The following GAB2 variants were observed in gnomAD, a reference collection of about 807,000 sequenced individuals.
GAB2 encodes the protein GRB2 associated binding protein 2.
GAB2 carries 26 observed loss-of-function variants against 65.5 expected under a neutral mutation model. The observed-to-expected ratio is 0.40, with a 90% CI of 0.29 to 0.55. GAB2 has a LOEUF of 0.55. Among genes scored for constraint, GAB2 ranks in the 20% least tolerant of loss-of-function variants. GAB2 has a pLI of 0.53. For synonymous variants in GAB2, 321 were observed against 329.6 expected (o/e 0.97, Z 0.28); for missense variants, 884 against 875.8 (o/e 1.01, Z -0.12).
At chr11:78,361,430 T>C (rs10751287) in intron 1 of GAB2, among the ~76,000 whole-genome samples, 39,092 of 150,532 alleles carry the variant, frequency 0.26, 5,762 homozygotes, top group East Asian at 0.42. Flanking sequence ...CCCACACAAA[T>C]GCCTATGGAC....
intron 1 of GAB2, among the ~76,000 whole-genome samples, chr11:78,394,067 T>C (rs1856865169): frequency 6.6e-6 from 1 of 152,192 alleles, no homozygotes; most frequent in Non-Finnish European, 1.5e-5. Flanking sequence ...GGCAGGCAGA[T>C]CATGAGGTCA....
At chr11:78,314,419 G>A (rs1855560322) in intron 1 of GAB2, among the ~76,000 whole-genome samples, 1 of 152,192 alleles carries the variant, frequency 6.6e-6, no homozygotes, top group African/African-American at 2.4e-5. Context: ...TTTTGTAGAT[G>A]AACAAACTGA....
At chr11:78,285,966 C>CA (rs1261157319) in intron 1 of GAB2, among the ~76,000 whole-genome samples, 17 of 152,148 alleles carry the variant, frequency 1.1e-4, no homozygotes, top group African/African-American at 3.9e-4. Context: ...TGTCTCTTCC[C>CA]AACTAGGACA....
intron 1 of GAB2, among the ~76,000 whole-genome samples, chr11:78,289,568 A>G (rs1333563950): frequency 6.6e-6 from 1 of 152,196 alleles, no homozygotes; most frequent in Non-Finnish European, 1.5e-5. Context: ...AACTTACAAT[A>G]TTTACAAAGT....
intron 1 of GAB2, among the ~76,000 whole-genome samples, chr11:78,366,782 T>C (rs1049986534): frequency 1.5e-4 from 23 of 149,010 alleles, no homozygotes; most frequent in African/African-American, 5.6e-4. Flanking sequence ...GCGAATAGAA[T>C]GTAATTGGGG....
At chr11:78,290,553 C>T (rs760477610) in intron 1 of GAB2, among the ~76,000 whole-genome samples, 8 of 152,238 alleles carry the variant, frequency 5.3e-5, no homozygotes, top group Non-Finnish European at 7.4e-5. Context: ...TTGCTCTTGG[C>T]GCCCAGAAAA....
chr11:78,296,966 C>T (rs565529943), intron 1 of GAB2, among the ~76,000 whole-genome samples: 1 of 152,322 alleles, frequency 6.6e-6, no homozygotes, highest in South Asian at 2.1e-4. Context: ...TTCACGAGGG[C>T]TCTGCCCTCA....
At chr11:78,292,433 T>A (rs1018442419) in intron 1 of GAB2, among the ~76,000 whole-genome samples, 2 of 152,198 alleles carry the variant, frequency 1.3e-5, no homozygotes, top group Non-Finnish European at 2.9e-5. Flanking sequence ...TATACCAAAG[T>A]CAGGGCAGAA....
chr11:78,403,070 C>T (rs568802270), intron 1 of GAB2, among the ~76,000 whole-genome samples: 192 of 152,312 alleles, frequency 1.3e-3, no homozygotes, highest in African/African-American at 4.0e-3. Context: ...AATCACCAGA[C>T]GCTGAATGTG....
At chr11:78,371,940 T>C (rs562772837) in intron 1 of GAB2, among the ~76,000 whole-genome samples, 52 of 152,206 alleles carry the variant, frequency 3.4e-4, no homozygotes, top group Admixed American at 7.2e-4. Flanking sequence ...AAACCTTCAT[T>C]CCCATAAACA....
intron 1 of GAB2, among the ~76,000 whole-genome samples, chr11:78,399,522 A>G (rs1009287795): frequency 5.3e-5 from 8 of 152,168 alleles, no homozygotes; most frequent in Non-Finnish European, 8.8e-5. Context: ...CTTCAGACAA[A>G]TCCCTGTGTG....
rs55716895 is a variant in GAB2, at chr11:78,227,631, C to CAAAAAAAAAAA, written c.621-591_621-581dup. ...GAACACAATAAGACTCCATTGCCAC[C>CAAAAAAAAAAA]AAAAAAAAAAAAAAAAGAACTAGCT... On this transcript the variant is annotated intron_variant, in intron 3 of 9. Transcript: ENST00000361507. 3.5e-3 allele frequency among the ~76,000 whole-genome samples: 372 copies of CAAAAAAAAAAA among 105,920 alleles called. 6 individuals carry two copies. Among genetic ancestry groups the CAAAAAAAAAAA allele is most frequent in the Middle Eastern group, 0.01 (2 of 198 alleles). 69.5% of individuals were successfully genotyped at this position (105,920 alleles called of 152,430 possible). A position where few individuals can be genotyped will look rare whatever the true frequency, so the allele number is the denominator to read the frequency against.
intron 1 of GAB2, among the ~76,000 whole-genome samples, chr11:78,316,490 A>G (rs1241424102): frequency 6.6e-6 from 1 of 152,238 alleles, no homozygotes; most frequent in Non-Finnish European, 1.5e-5. Flanking sequence ...AAGGACTTGA[A>G]TAGACATCTC....
At chr11:78,348,403 G>T (rs1856223836) in intron 1 of GAB2, among the ~76,000 whole-genome samples, 1 of 152,150 alleles carries the variant, frequency 6.6e-6, no homozygotes, top group Admixed American at 6.5e-5. Context: ...GAAGATAAAT[G>T]ACACAATTTT....
chr11:78,223,071 A>G (rs1864507572), intron 6 of GAB2, among the ~76,000 whole-genome samples: 1 of 152,164 alleles, frequency 6.6e-6, no homozygotes, highest in African/African-American at 2.4e-5. Flanking sequence ...CTGCCTAGCT[A>G]TCCTACTCCT....
intron 1 of GAB2, among the ~76,000 whole-genome samples, chr11:78,370,725 A>ATATGTGTGTGTGTGTGTGTG (rs1554995540): frequency 6.7e-6 from 1 of 148,786 alleles, no homozygotes; most frequent in African/African-American, 2.5e-5. Context: ...GTGTGTGTGT[A>ATATGTGTGTGTGTGTGTGTG]TGTGTGTGTG....
chr11:78,243,789 A>T (rs1382645700), intron 3 of GAB2, among the ~76,000 whole-genome samples: 1 of 152,214 alleles, frequency 6.6e-6, no homozygotes, highest in Non-Finnish European at 1.5e-5. Context: ...GGTTGTAGTG[A>T]GCTGAGATCG....
rs1299094939 is a variant in GAB2, at chr11:78,225,191, C to T, written c.1219G>A (p.Glu407Lys). 2.5e-6 allele frequency: 4 copies of T among 1,610,046 alleles called. No individual in the cohort carries two copies. The highest frequency in any genetic ancestry group is 1.1e-5 in the South Asian group (1 of 90,976). ...NSRLHRASSC[E>K]TYEYPQRGGE... The stretch of plus-strand genomic sequence containing the variant: ...CCACGCTGTGGGTACTCGTAGGTCT[C>T]ACAGGAAGAAGCTGACAGAGGAAGG... Residue 407 changes from glutamate (E) to lysine (K), a missense_variant, in exon 5 of 10, where the codon GAG becomes AAG. Coordinates refer to ENST00000361507, the MANE Select transcript of GAB2 (RefSeq NM_080491.3).
intron 1 of GAB2, among the ~76,000 whole-genome samples, chr11:78,284,499 G>A (rs1010162225): frequency 7.9e-5 from 12 of 152,114 alleles, no homozygotes; most frequent in Non-Finnish European, 1.6e-4. Flanking sequence ...CCTCTGCCTT[G>A]CCTATTCTGC....
Sources: gnomAD v4.1 joint callset for allele counts (sites outside exome capture counted in the v4.1 genomes callset) on GRCh38, gnomAD v4.1.1 for gene constraint, MANE v1.5 for transcripts, NCBI Gene and HGNC (gene_info 2026-07-23, HGNC 2026-07-21) for gene names.